DONSON: variants seen among roughly 807,000 people sequenced by gnomAD.
The protein encoded by DONSON is DNA replication fork stabilization factor DONSON.
In DONSON, 43 loss-of-function variants were observed where a neutral mutation model predicts 62.1. That is an observed-to-expected ratio of 0.69 (90% CI 0.54 to 0.89). DONSON has a LOEUF of 0.89. DONSON is among the 40% of genes least tolerant of loss of function. The pLI, the probability that DONSON is intolerant of heterozygous loss-of-function variation, is 0.00. For synonymous variants in DONSON, 266 were observed against 264.6 expected, an observed-to-expected ratio of 1.01 and a Z score of -0.05; for missense variants, 696 against 697.5, an observed-to-expected ratio of 1.00 and a Z score of 0.03.
At chr21:33,580,264 AT>A (rs2086490580) in intron 8 of DONSON, among the ~76,000 whole-genome samples, 1 of 150,018 alleles carries the variant, frequency 6.7e-6, no homozygotes, top group Admixed American at 6.7e-5. Flanking sequence ...GAATGAATGA[AT>A]GAATGCAGGG....
chr21:33,583,813 A>G, intron 4 of DONSON, 147 bp from the exon 5 acceptor site: 1 of 704,356 alleles, frequency 1.4e-6, no homozygotes, highest in South Asian at 2.4e-5. Flanking sequence ...CGTATGACTT[A>G]GCTTTAAAGG....
In DONSON at chr21:33,577,682, CACACACACACA is replaced by C; in HGVS notation, c.*614_*624del. ...ACACACACACACACACACACACACACACACACACACACACACACACCCCTATAAGCACATTA... is the reference window on the plus strand; with the variant it reads ...ACACACACACACACACACACACACACCACACACACCCCTATAAGCACATTA... On this transcript the variant is annotated 3_prime_UTR_variant, in exon 10 of 10. Coordinates refer to ENST00000303071, the MANE Select transcript of DONSON (RefSeq NM_017613.4). 9.1e-6 allele frequency: 1 copy of C among 109,528 alleles called. No individual in the cohort carries two copies. Among genetic ancestry groups the C allele is most frequent in the South Asian group, 2.9e-4 (1 of 3,398 alleles). 6.8% of individuals were successfully genotyped at this position (109,528 alleles called of 1,614,324 possible). A position where few individuals can be genotyped will look rare whatever the true frequency, so the allele number is the denominator to read the frequency against.
chr21:33,578,834 T>C (rs1015495055), intron 9 of DONSON, among the ~76,000 whole-genome samples: 9 of 152,220 alleles, frequency 5.9e-5, no homozygotes, highest in Non-Finnish European at 1.2e-4. Flanking sequence ...CTTCAGTCAC[T>C]GTTAAAACTA....
At position 33,578,166 on chromosome 21, in the gene DONSON, C is replaced by A. The variant is rs781444328; in HGVS notation, c.*141G>T. 2.0e-4 allele frequency: 173 copies of A among 845,548 alleles called. 1 individual carries two copies. The highest frequency in any genetic ancestry group is 2.9e-4 in the Non-Finnish European group (166 of 580,580). The allele number at this position is 845,548 out of a possible 1,614,324, so 52.4% of individuals were successfully genotyped here. ...AAAATCTAATCTGAAAATAGTAAAACACATTTAAAACCTTAGATGCTACTG... is the reference window on the plus strand; with the variant it reads ...AAAATCTAATCTGAAAATAGTAAAAAACATTTAAAACCTTAGATGCTACTG... On this transcript the variant is annotated 3_prime_UTR_variant, in exon 10 of 10. Coordinates refer to ENST00000303071, the MANE Select transcript of DONSON (RefSeq NM_017613.4).
At position 33,577,603 on chromosome 21, in the gene DONSON, CTA is replaced by C. The variant is rs2086433054; in HGVS notation, c.*702_*703del. ...AAAATGTGAATTATACAGTCCCCCC[CTA>C]CACACACACACACACACACACACAC... On this transcript the variant is annotated 3_prime_UTR_variant, in exon 10 of 10. Coordinates refer to ENST00000303071, the MANE Select transcript of DONSON (RefSeq NM_017613.4). 1.9e-5 allele frequency: 1 copy of C among 51,694 alleles called. No homozygotes were observed. The highest frequency in any genetic ancestry group is 7.5e-5 in the African/African-American group (1 of 13,304). The allele number at this position is 51,694 out of a possible 1,614,324, so 3.2% of individuals were successfully genotyped here. A position where few individuals can be genotyped will look rare whatever the true frequency, so the allele number is the denominator to read the frequency against.
chr21:33,583,670 T>A lies in DONSON; in HGVS notation c.786-4A>T, dbSNP rs2086543549. On this transcript the variant is annotated splice_region_variant and splice_polypyrimidine_tract_variant and intron_variant, in intron 4 of 9. Coordinates refer to ENST00000303071, the MANE Select transcript of DONSON (RefSeq NM_017613.4). ...TAGAGAAGTAAAGCTCACAGACCTA[T>A]GAAGTAAAAAAATTTTCTTAAGGTA... The A allele has an allele frequency of 1.3e-6, 2 of 1,574,264 alleles. No homozygotes were observed. The highest frequency in any genetic ancestry group is 1.9e-5 in the Admixed American group (1 of 52,004).
Position 33,579,448 on chromosome 21 carries a change from T to G in DONSON, c.1465A>C (p.Lys489Gln), listed in dbSNP as rs1399878741. The G allele has an allele frequency of 2.5e-6, 4 of 1,614,236 alleles. 1 individual carries two copies. ...HSLHSLTMLL[K>Q]SSQSGSFSAV... ...GAGAAAGATCCACTCTGTGAAGATT[T>G]GAGCAGCATGGTCAGTGAATGCAGA... is the stretch of plus-strand genomic sequence containing the variant. The change falls in exon 9 of 10, where the codon AAA becomes CAA. Residue 489 changes from lysine (K) to glutamine (Q), a missense_variant. By Grantham distance (53) the Lys-to-Gln change is moderately conservative. Transcript: ENST00000303071.
Position 33,581,287 on chromosome 21 carries a change from G to A in DONSON, c.1350+15C>T, listed in dbSNP as rs763531195. 4 of 1,610,970 alleles carry A rather than the reference G, an allele frequency of 2.5e-6. No homozygotes were observed. The highest frequency in any genetic ancestry group is 2.5e-6 in the Non-Finnish European group (3 of 1,177,824). ...AAGTACTTCTTAAAAGCTAGGTTATGCAGACTTTTATTACCTTAAGCATTT... is the reference window on the plus strand; with the variant it reads ...AAGTACTTCTTAAAAGCTAGGTTATACAGACTTTTATTACCTTAAGCATTT... On this transcript the variant is annotated intron_variant, in intron 8 of 9. Transcript: ENST00000303071.
intron 3 of DONSON, among the ~76,000 whole-genome samples, chr21:33,585,552 A>G (rs751772959): frequency 2.0e-5 from 3 of 152,054 alleles, no homozygotes; most frequent in South Asian, 2.1e-4. Flanking sequence ...ATCAAAATGT[A>G]TATCTCTAAA....
At position 33,586,148 on chromosome 21, in the gene DONSON, G is replaced by C. The variant is rs780645262; in HGVS notation, c.436C>G (p.Pro146Ala). ...SHVSFSEPDI[P>A]SSKSTELPVD... ...GGTAACTCAGTACTTTTTGAGGACG[G>C]AATATCAGGCTCGGAGAATGATACA... The change falls in exon 3 of 10, where the codon CCG (proline) becomes GCG (alanine). Residue 146 changes from proline (P) to alanine (A), a missense_variant. Pro to Ala is a conservative substitution (Grantham distance 27). Transcript: ENST00000303071. 9.3e-6 allele frequency: 15 copies of C among 1,614,002 alleles called. No homozygotes were observed. Among genetic ancestry groups the C allele is most frequent in the African/African-American group, 1.3e-5 (1 of 74,914 alleles).
chr21:33,577,682 CACACACACACACACACA>C lies in DONSON; in HGVS notation c.*608_*624del, dbSNP rs2086446982. 2.7e-5 allele frequency: 3 copies of C among 109,526 alleles called. No homozygotes were observed. The highest frequency in any genetic ancestry group is 8.7e-5 in the African/African-American group (2 of 22,944). 6.8% of individuals were successfully genotyped at this position (109,526 alleles called of 1,614,324 possible). A position where few individuals can be genotyped will look rare whatever the true frequency, so the allele number is the denominator to read the frequency against. ...ACACACACACACACACACACACACA[CACACACACACACACACA>C]CACCCCTATAAGCACATTAAATACT... On this transcript the variant is annotated 3_prime_UTR_variant, in exon 10 of 10. Coordinates refer to ENST00000303071, the MANE Select transcript of DONSON (RefSeq NM_017613.4).
chr21:33,587,470 G>A lies in DONSON; in HGVS notation c.402+52C>T, dbSNP rs7283856. ...TTTTAAAAATAGGCTCAAATCCTAT[G>A]AAAAAAAAGTTTATACAAATACACA... is the stretch of plus-strand genomic sequence containing the variant. On this transcript the variant is annotated intron_variant, in intron 2 of 9. Coordinates refer to ENST00000303071, the MANE Select transcript of DONSON (RefSeq NM_017613.4). 1,019,415 of 1,497,522 alleles carry A rather than the reference G, an allele frequency of 0.68. 347,274 individuals carry two copies. The highest frequency in any genetic ancestry group is 0.74 in the African/African-American group (51,850 of 70,094). The allele number at this position is 1,497,522 out of a possible 1,614,324, so 92.8% of individuals were successfully genotyped here.
At position 33,579,521 on chromosome 21, in the gene DONSON, G is replaced by A; in HGVS notation, c.1392C>T (p.Tyr464=). 1 of 1,614,182 alleles carries A rather than the reference G, an allele frequency of 6.2e-7. No homozygotes were observed. Among genetic ancestry groups the A allele is most frequent in the Non-Finnish European group, 8.5e-7 (1 of 1,180,020 alleles). The change falls in exon 9 of 10, where the codon TAC becomes TAT. Residue 464 remains tyrosine (Y), a synonymous_variant. Transcript: ENST00000303071. ...VNVKTQALSG[Y]RDQFSLEITG... ...TAATCTCCAAACTAAATTGGTCTCT[G>A]TATCCAGAAAGAGCTTGTGTCTTCA...
chr21:33,578,237 T>C lies in DONSON; in HGVS notation c.*70A>G. 1.3e-6 allele frequency: 2 copies of C among 1,525,090 alleles called. No homozygotes were observed. The highest frequency in any genetic ancestry group is 1.8e-6 in the Non-Finnish European group (2 of 1,121,604). The allele number at this position is 1,525,090 out of a possible 1,614,324, so 94.5% of individuals were successfully genotyped here. A position where few individuals can be genotyped will look rare whatever the true frequency, so the allele number is the denominator to read the frequency against. The stretch of plus-strand genomic sequence containing the variant: ...AACATTTCAGTATATTCCTTCAACT[T>C]CAAGAATCTTGAATTTCCTTGCTAG... On this transcript the variant is annotated 3_prime_UTR_variant, in exon 10 of 10. Coordinates refer to ENST00000303071, the MANE Select transcript of DONSON (RefSeq NM_017613.4).
chr21:33,579,444 G>A lies in DONSON; in HGVS notation c.1469C>T (p.Ser490Phe), dbSNP rs2086480281. 4.3e-6 allele frequency: 7 copies of A among 1,614,240 alleles called. No homozygotes were observed. Among genetic ancestry groups the A allele is most frequent in the Non-Finnish European group, 5.9e-6 (7 of 1,180,032 alleles). Reference protein sequence around the residue: ...SLHSLTMLLKSSQSGSFSAVL... With the variant: ...SLHSLTMLLKFSQSGSFSAVL... ...TGCAGAGAAAGATCCACTCTGTGAA[G>A]ATTTGAGCAGCATGGTCAGTGAATG... Residue 490 changes from serine to phenylalanine, a missense_variant, in exon 9 of 10, where the codon TCT (serine) becomes TTT (phenylalanine). Physicochemically the swap from Ser to Phe is radical, Grantham distance 155. Coordinates refer to ENST00000303071, the MANE Select transcript of DONSON (RefSeq NM_017613.4).
rs1569073160 is a variant in DONSON, at chr21:33,577,678, CACACACACACACACACACACACA to C, written c.*606_*628del. On this transcript the variant is annotated 3_prime_UTR_variant, in exon 10 of 10. Transcript: ENST00000303071. ...ACACACACACACACACACACACACA[CACACACACACACACACACACACA>C]CCCCTATAAGCACATTAAATACTAC... The C allele has an allele frequency of 4.6e-4, 48 of 103,566 alleles. No homozygotes were observed. The highest frequency in any genetic ancestry group is 7.6e-4 in the African/African-American group (17 of 22,292). 6.4% of individuals were successfully genotyped at this position (103,566 alleles called of 1,614,324 possible). A position where few individuals can be genotyped will look rare whatever the true frequency, so the allele number is the denominator to read the frequency against.
chr21:33,586,791 C>T (rs1180151234), intron 2 of DONSON, among the ~76,000 whole-genome samples: 3 of 152,010 alleles, frequency 2.0e-5, no homozygotes, highest in Admixed American at 1.3e-4. Flanking sequence ...TGCCCCACCA[C>T]GCCTGGCTAA....
chr21:33,581,077 C>T (rs1440251144), intron 8 of DONSON: 1 of 409,254 alleles, frequency 2.4e-6, no homozygotes, highest in Admixed American at 3.6e-5. Flanking sequence ...CGCAAGACTC[C>T]ATCTCGAAAA....
At chr21:33,584,914 C>T in intron 3 of DONSON, 146 bp from the exon 4 acceptor site, 1 of 641,536 alleles carries the variant, frequency 1.6e-6, no homozygotes, top group African/African-American at 1.8e-5. Flanking sequence ...GGAACGAAAA[C>T]ATAGTTTATC....
Sources: gnomAD v4.1 joint callset for allele counts (sites outside exome capture counted in the v4.1 genomes callset) on GRCh38, gnomAD v4.1.1 for gene constraint, MANE v1.5 for transcripts, NCBI Gene and HGNC (gene_info 2026-07-23, HGNC 2026-07-21) for gene names.